Variants in SLCO1A2 observed in about 807,000 individuals in gnomAD.
SLCO1A2 encodes the protein OATP-1.
In SLCO1A2, 67 loss-of-function variants were observed where a neutral mutation model predicts 69.0. The ratio of observed to expected loss-of-function variants is 0.97; its 90% confidence interval spans 0.80 to 1.19. SLCO1A2 has a LOEUF of 1.19. Ranked by LOEUF, SLCO1A2 falls within the 50% of genes most tolerant of loss-of-function variation. The pLI, the probability that SLCO1A2 is intolerant of heterozygous loss-of-function variation, is 0.00. For synonymous variants in SLCO1A2, 260 were observed against 265.9 expected, an observed-to-expected ratio of 0.98 and a Z score of 0.22; for missense variants, 787 against 793.7, an observed-to-expected ratio of 0.99 and a Z score of 0.10.
intron 8 of SLCO1A2, among the ~76,000 whole-genome samples, chr12:21,298,906 A>T (rs1163641955): frequency 6.6e-6 from 1 of 152,158 alleles, no homozygotes; most frequent in Non-Finnish European, 1.5e-5. Context: ...CTCAATTATG[A>T]TTTAAGAGAA....
intron 1 of SLCO1A2, among the ~76,000 whole-genome samples, chr12:21,403,971 A>T (rs779818602): frequency 7.9e-5 from 12 of 152,100 alleles, no homozygotes; most frequent in Non-Finnish European, 1.5e-4. Context: ...GTGTAGCTGG[A>T]TATCTAAGAA....
intron 1 of SLCO1A2, among the ~76,000 whole-genome samples, chr12:21,408,930 G>T (rs766224341): frequency 2.6e-5 from 4 of 151,850 alleles, no homozygotes; most frequent in Non-Finnish European, 5.9e-5. Flanking sequence ...TTTAAAGGCT[G>T]GTAGAATAAA....
At chr12:21,398,271 T>A (rs1941551414), upstream of SLCO1A2, among the ~76,000 whole-genome samples, 1 of 151,208 alleles carries the variant, frequency 6.6e-6, no homozygotes, top group African/African-American at 2.4e-5. Flanking sequence ...CTAGAAAATC[T>A]AGAAGAAATG....
chr12:21,304,802 G>C (rs1949153287), intron 5 of SLCO1A2, among the ~76,000 whole-genome samples: 1 of 152,120 alleles, frequency 6.6e-6, no homozygotes, highest in Non-Finnish European at 1.5e-5. Flanking sequence ...TCCCTACTGA[G>C]TTGGGAGAGA....
At chr12:21,326,824 T>C (rs1489718030) in intron 2 of SLCO1A2, among the ~76,000 whole-genome samples, 1 of 152,158 alleles carries the variant, frequency 6.6e-6, no homozygotes, top group Non-Finnish European at 1.5e-5. Context: ...TTGGAACTTA[T>C]GTTTAAAAGG....
chr12:21,378,738 G>T, intron 1 of SLCO1A2: 1 of 253,946 alleles, frequency 3.9e-6, no homozygotes, highest in Non-Finnish European at 7.7e-6. Context: ...TTGAACCTTG[G>T]TAAATTGTAA....
At chr12:21,371,863 A>G (rs373108166) in intron 2 of SLCO1A2, among the ~76,000 whole-genome samples, 5 of 152,108 alleles carry the variant, frequency 3.3e-5, no homozygotes, top group Non-Finnish European at 5.9e-5. Context: ...TTAGCCATAC[A>G]TGGTGATGCA....
At chr12:21,381,278 C>T (rs866910469) in intron 1 of SLCO1A2, among the ~76,000 whole-genome samples, 2 of 152,048 alleles carry the variant, frequency 1.3e-5, no homozygotes, top group African/African-American at 4.8e-5. Context: ...CGATAAAGAA[C>T]TAGTATCCAG....
At chr12:21,292,463 G>A (rs1165708918) in intron 11 of SLCO1A2, 127 bp from the exon 12 acceptor site, 8 of 617,606 alleles carry the variant, frequency 1.3e-5, no homozygotes, top group Non-Finnish European at 1.9e-5. Flanking sequence ...CCATTATGAT[G>A]TCTCTCAAGA....
At chr12:21,407,935 A>G (rs1221696149) in intron 1 of SLCO1A2, among the ~76,000 whole-genome samples, 2 of 152,204 alleles carry the variant, frequency 1.3e-5, no homozygotes, top group Non-Finnish European at 2.9e-5. Context: ...GTCAATGGGT[A>G]TAAGTTTGGT....
intron 2 of SLCO1A2, among the ~76,000 whole-genome samples, chr12:21,357,211 A>G (rs781146600): frequency 2.6e-5 from 4 of 152,196 alleles, no homozygotes; most frequent in Non-Finnish European, 5.9e-5. Context: ...AGTAATTGTT[A>G]AGATGAAGTC....
At chr12:21,380,884 C>T (rs1940544141) in intron 1 of SLCO1A2, among the ~76,000 whole-genome samples, 1 of 149,060 alleles carries the variant, frequency 6.7e-6, no homozygotes. Context: ...CATGCCCCCA[C>T]TGCCCCAGCC....
chr12:21,293,358 T>A (rs907151216), intron 11 of SLCO1A2, among the ~76,000 whole-genome samples: 38 of 152,116 alleles, frequency 2.5e-4, no homozygotes, highest in African/African-American at 8.9e-4. Flanking sequence ...GTCAACCTTT[T>A]TTGAATTGTT....
intron 2 of SLCO1A2, among the ~76,000 whole-genome samples, chr12:21,342,901 T>TA (rs1953121260): frequency 6.6e-6 from 1 of 152,002 alleles, no homozygotes; most frequent in South Asian, 2.1e-4. Context: ...GTACTTGCGA[T>TA]AAAAAATTAG....
At chr12:21,377,819 T>C (rs1440010478) in intron 1 of SLCO1A2, among the ~76,000 whole-genome samples, 1 of 152,244 alleles carries the variant, frequency 6.6e-6, no homozygotes, top group African/African-American at 2.4e-5. Flanking sequence ...TTTATTCTTA[T>C]TGGAAAGATG....
At chr12:21,417,764 C>G in intron 1 of SLCO1A2, 1 of 152,064 alleles carries the variant, frequency 6.6e-6, no homozygotes, top group Non-Finnish European at 1.5e-5. Context: ...GTTTCCTAAA[C>G]TGTTTGGGAG....
At chr12:21,345,989 G>T (rs1224007095) in intron 2 of SLCO1A2, among the ~76,000 whole-genome samples, 1 of 151,832 alleles carries the variant, frequency 6.6e-6, no homozygotes, top group Non-Finnish European at 1.5e-5. Flanking sequence ...TAAAGAGCAT[G>T]TTCCAATAAA....
chr12:21,333,106 A>T (rs1952714111), intron 2 of SLCO1A2, among the ~76,000 whole-genome samples: 1 of 152,104 alleles, frequency 6.6e-6, no homozygotes, highest in African/African-American at 2.4e-5. Context: ...TTAAGAGCAA[A>T]CTATTTTCAC....
chr12:21,293,921 G>A (rs1457562497), intron 11 of SLCO1A2, 24 bp downstream of exon 11: 1 of 1,580,700 alleles, frequency 6.3e-7, no homozygotes, highest in Non-Finnish European at 8.6e-7. Flanking sequence ...ACTCAAAAAA[G>A]TTCTGTCAAA....
Sources: gnomAD v4.1 joint callset for allele counts (sites outside exome capture counted in the v4.1 genomes callset) on GRCh38, gnomAD v4.1.1 for gene constraint, MANE v1.5 for transcripts, NCBI Gene and HGNC (gene_info 2026-07-23, HGNC 2026-07-21) for gene names.